TEX2: variants seen among roughly 807,000 people sequenced by gnomAD.
TEX2 encodes testis expressed 2.
In TEX2, 53 loss-of-function variants were observed where a neutral mutation model predicts 106.9. That is an observed-to-expected ratio of 0.50 (90% CI 0.40 to 0.62). The LOEUF is 0.62. Among genes scored for constraint, TEX2 ranks in the 20% least tolerant of loss-of-function variants. The probability of loss-of-function intolerance (pLI) is 0.00; values close to 1 mark genes in which losing one functional copy is unlikely to be tolerated. For missense variants in TEX2, 1,207 were observed against 1,379.0 expected (o/e 0.88, Z 1.98); for synonymous variants, 523 against 534.8 (o/e 0.98, Z 0.30).
chr17:64,187,486 T>C (rs552288874), intron 5 of TEX2, among the ~76,000 whole-genome samples: 3 of 152,236 alleles, frequency 2.0e-5, no homozygotes, highest in South Asian at 4.2e-4. Flanking sequence ...TACCTTCACA[T>C]TGATCCAGCC....
At position 64,252,878 on chromosome 17, in the gene TEX2, G is replaced by T. The variant is rs562048244; in HGVS notation, c.-26+10290C>A. Among the ~76,000 whole-genome samples the T allele has an allele frequency of 5.3e-5, 8 of 152,290 alleles. No homozygotes were observed. The East Asian group carries it at 1.5e-3, about 29-fold the overall frequency. ...TGCTACAAAGGACAAGAGAAAATGGGGGTGGGGGTGAGGTAGGGAGTACAG... is the reference window on the plus strand; with the variant it reads ...TGCTACAAAGGACAAGAGAAAATGGTGGTGGGGGTGAGGTAGGGAGTACAG... On this transcript the variant is annotated intron_variant, in intron 1 of 11. Coordinates refer to ENST00000584379, the MANE Select transcript of TEX2 (RefSeq NM_001288732.2).
At chr17:64,230,005 T>C (rs1377742214) in intron 1 of TEX2, among the ~76,000 whole-genome samples, 3 of 152,220 alleles carry the variant, frequency 2.0e-5, no homozygotes, top group East Asian at 1.9e-4. Flanking sequence ...AACCTTGATA[T>C]AGGGCAGTAA....
At chr17:64,177,726 T>C (rs934901757) in intron 5 of TEX2, among the ~76,000 whole-genome samples, 1 of 152,234 alleles carries the variant, frequency 6.6e-6, no homozygotes, top group African/African-American at 2.4e-5. Context: ...AACCAGCTAA[T>C]ATTTCATACT....
intron 11 of TEX2, chr17:64,150,533 A>G (rs2014235): frequency 0.53 from 93,036 of 174,738 alleles, 26,818 homozygotes; most frequent in East Asian, 0.82. Context: ...CAGGCCTTGC[A>G]TAAGAGAAAA....
intron 1 of TEX2, among the ~76,000 whole-genome samples, chr17:64,252,473 T>A (rs1205307812): frequency 5.3e-5 from 8 of 152,050 alleles, no homozygotes; most frequent in Admixed American, 5.2e-4. Flanking sequence ...CATGCCTAAT[T>A]TTTAAATTTT....
chr17:64,193,054 C>G (rs1288714303), intron 4 of TEX2, among the ~76,000 whole-genome samples: 1 of 152,228 alleles, frequency 6.6e-6, no homozygotes, highest in Non-Finnish European at 1.5e-5. Context: ...TTTTGTGTCT[C>G]TTGCAGCTCC....
intron 1 of TEX2, among the ~76,000 whole-genome samples, chr17:64,244,863 T>C (rs1555636143): frequency 6.6e-6 from 1 of 152,198 alleles, no homozygotes; most frequent in Admixed American, 6.5e-5. Flanking sequence ...CCCCCAACCC[T>C]GGCTGCTGGA....
intron 1 of TEX2, among the ~76,000 whole-genome samples, chr17:64,259,057 A>G (rs2034241534): frequency 6.6e-6 from 1 of 152,168 alleles, no homozygotes; most frequent in Non-Finnish European, 1.5e-5. Context: ...CCTGGAAGAG[A>G]GACTTTTAAA....
chr17:64,174,845 GT>G (rs1219562495), intron 6 of TEX2, among the ~76,000 whole-genome samples: 2 of 152,250 alleles, frequency 1.3e-5, no homozygotes, highest in African/African-American at 4.8e-5. Context: ...AACTCAGCTT[GT>G]TTTAAACCCA....
intron 1 of TEX2, among the ~76,000 whole-genome samples, chr17:64,256,435 A>T (rs2034185813): frequency 6.6e-6 from 1 of 152,156 alleles, no homozygotes; most frequent in Admixed American, 6.5e-5. Flanking sequence ...TCCTCTGCAG[A>T]ATGGCACCTT....
intron 1 of TEX2, among the ~76,000 whole-genome samples, chr17:64,231,250 G>A (rs2033648560): frequency 6.6e-6 from 1 of 152,110 alleles, no homozygotes; most frequent in African/African-American, 2.4e-5. Context: ...GAACTTCATG[G>A]GGCTCTCTAT....
intron 7 of TEX2, 140 bp from the exon 8 acceptor site, chr17:64,161,073 C>T (rs781455515): frequency 1.7e-4 from 152 of 883,272 alleles, no homozygotes; most frequent in Non-Finnish European, 1.9e-4. Context: ...GAGAAGAGGA[C>T]TGAGAGCACA....
At chr17:64,155,762 T>C (rs534125792) in intron 8 of TEX2, 2 of 152,196 alleles carry the variant, frequency 1.3e-5, no homozygotes, top group East Asian at 3.9e-4. Flanking sequence ...AGGTGTGGGG[T>C]TGCTGGATTA....
chr17:64,191,841 A>G (rs79118527), intron 4 of TEX2, among the ~76,000 whole-genome samples: 2 of 143,466 alleles, frequency 1.4e-5, no homozygotes, highest in African/African-American at 2.6e-5. Flanking sequence ...AAAAAAAAAA[A>G]AAGAAAGAAA....
At position 64,231,538 on chromosome 17, in the gene TEX2, G is replaced by A. The variant is rs79907078; in HGVS notation, c.-25-17296C>T. On this transcript the variant is annotated intron_variant, in intron 1 of 11. Coordinates refer to ENST00000584379, the MANE Select transcript of TEX2 (RefSeq NM_001288732.2). Reference sequence around the variant, plus strand: ...AGGACCGTCTCTGGGGTTCCTGTTCGCCAGCAACATCCACTCTATCTTGTT... The same window carrying A: ...AGGACCGTCTCTGGGGTTCCTGTTCACCAGCAACATCCACTCTATCTTGTT... Among the ~76,000 whole-genome samples, 784 of 152,294 alleles carry A rather than the reference G, an allele frequency of 5.1e-3. 11 individuals carry two copies. The highest frequency in any genetic ancestry group is 0.017 in the African/African-American group (723 of 41,552).
At chr17:64,181,866 G>A (rs1321925582) in intron 5 of TEX2, among the ~76,000 whole-genome samples, 2 of 147,828 alleles carry the variant, frequency 1.4e-5, no homozygotes, top group Non-Finnish European at 3.0e-5. Flanking sequence ...ATAATTCATA[G>A]ATCATACAAT....
chr17:64,156,133 T>A (rs1328201988), intron 8 of TEX2: 1 of 152,228 alleles, frequency 6.6e-6, no homozygotes, highest in East Asian at 1.9e-4. Flanking sequence ...ACGGGGACAG[T>A]TATCGCCTGA....
At position 64,177,337 on chromosome 17, in the gene TEX2, G is replaced by A. The variant is rs1483243727; in HGVS notation, c.2559C>T (p.Leu853=). ...TGGAAAGTGATACCTTTATTTTGCT[G>A]AGTTTCATTTGGATCTTCTTAGACA... The part of the protein sequence containing the change: ...DLVSKKIQMK[L]SKIKLPYFMN... The change falls in exon 6 of 12, where the codon CTC becomes CTT. Residue 853 remains leucine, a synonymous_variant. Coordinates refer to ENST00000584379, the MANE Select transcript of TEX2 (RefSeq NM_001288732.2). The A allele has an allele frequency of 1.2e-6, 2 of 1,614,112 alleles. No homozygotes were observed. Among genetic ancestry groups the A allele is most frequent in the Admixed American group, 3.3e-5 (2 of 60,006 alleles).
At position 64,153,167 on chromosome 17, in the gene TEX2, A is replaced by AAC; in HGVS notation, c.2931-15_2931-14dup. ...ACCTCCAACGTACCTTCAAATGTGG[A>AAC]ACACAAAGGGCGGTTAGCACAAACT... is the stretch of plus-strand genomic sequence containing the variant. On this transcript the variant is annotated splice_polypyrimidine_tract_variant and intron_variant, in intron 9 of 11. Transcript: ENST00000584379. This position sits in a 1 kb window ranked among gnomAD's most constrained non-coding sequence, Gnocchi z 4.1. The AAC allele has an allele frequency of 6.2e-7, 1 of 1,600,582 alleles. No homozygotes were observed. Among genetic ancestry groups the AAC allele is most frequent in the Non-Finnish European group, 8.6e-7 (1 of 1,169,078 alleles).
Sources: gnomAD v4.1 joint callset for allele counts (sites outside exome capture counted in the v4.1 genomes callset) on GRCh38, gnomAD v4.1.1 for gene constraint, Gnocchi (gnomAD v3.1) non-coding constraint, MANE v1.5 for transcripts, NCBI Gene and HGNC (gene_info 2026-07-23, HGNC 2026-07-21) for gene names.